The following TSGA10 variants were observed in gnomAD, a reference collection of about 807,000 sequenced individuals.
TSGA10 encodes the protein testis-specific gene 10 protein.
TSGA10 carries 43 observed loss-of-function variants against 96.6 expected under a neutral mutation model. The ratio of observed to expected loss-of-function variants is 0.44; its 90% CI spans 0.35 to 0.57. TSGA10 has a LOEUF of 0.57. Among genes scored for constraint, TSGA10 ranks in the 20% least tolerant of loss-of-function variants. The pLI, the probability that TSGA10 is intolerant of heterozygous loss-of-function variation, is 0.01. For missense variants in TSGA10, 703 were observed against 834.4 expected (o/e 0.84, Z 1.94); for synonymous variants, 229 against 269.9 (o/e 0.85, Z 1.48).
chr2:99,042,284 A>G (rs983694087), intron 16 of TSGA10, among the ~76,000 whole-genome samples: 6 of 152,144 alleles, frequency 3.9e-5, no homozygotes, highest in Non-Finnish European at 8.8e-5. Context: ...CGCAGGTCTT[A>G]TGTGGTACCA....
chr2:99,032,191 T>G (rs1409813762), intron 17 of TSGA10, among the ~76,000 whole-genome samples: 1 of 152,164 alleles, frequency 6.6e-6, no homozygotes, highest in Non-Finnish European at 1.5e-5. Flanking sequence ...CTTCCATCCG[T>G]GTCTCTTTCC....
intron 7 of TSGA10, among the ~76,000 whole-genome samples, chr2:99,106,422 G>T (rs917037693): frequency 6.6e-6 from 1 of 151,840 alleles, no homozygotes; most frequent in African/African-American, 2.4e-5. Flanking sequence ...TTCTCATCTT[G>T]AATAGTACCC....
At chr2:99,038,725 G>A (rs2081904931) in intron 16 of TSGA10, among the ~76,000 whole-genome samples, 1 of 151,860 alleles carries the variant, frequency 6.6e-6, no homozygotes, top group African/African-American at 2.4e-5. Context: ...TCAATAGACA[G>A]GTCATTAAGA....
intron 3 of TSGA10, among the ~76,000 whole-genome samples, chr2:99,118,322 G>A (rs1331357082): frequency 6.6e-6 from 1 of 151,380 alleles, no homozygotes; most frequent in Non-Finnish European, 1.5e-5. Flanking sequence ...ATGGTGGCGA[G>A]TGCCCGTAGT....
intron 12 of TSGA10, among the ~76,000 whole-genome samples, chr2:99,076,602 C>T (rs192568703): frequency 6.6e-6 from 1 of 152,090 alleles, no homozygotes; most frequent in African/African-American, 2.4e-5. Context: ...CACACACATA[C>T]ACACACTGTA....
intron 1 of TSGA10, among the ~76,000 whole-genome samples, chr2:99,149,754 T>C (rs11685759): frequency 0.58 from 84,012 of 145,494 alleles, 25,234 homozygotes; most frequent in East Asian, 0.87. Context: ...TCATCTCTTT[T>C]TACAGACTAG....
chr2:99,031,817 C>A (rs776049499), intron 17 of TSGA10, among the ~76,000 whole-genome samples: 1 of 152,188 alleles, frequency 6.6e-6, no homozygotes, highest in Non-Finnish European at 1.5e-5. Context: ...AGGAGTGGAA[C>A]CCTATTGTGT....
intron 1 of TSGA10, among the ~76,000 whole-genome samples, chr2:99,145,155 T>C (rs1285972055): frequency 2.6e-5 from 4 of 152,174 alleles, no homozygotes; most frequent in Non-Finnish European, 5.9e-5. Context: ...TGGCAGCCCA[T>C]GTTCCTTGGC....
intron 17 of TSGA10, among the ~76,000 whole-genome samples, chr2:99,026,519 A>G (rs758821438): frequency 5.9e-5 from 9 of 151,838 alleles, no homozygotes; most frequent in Non-Finnish European, 1.5e-5. Flanking sequence ...TCCCAGGTTC[A>G]TGCCATTCTC....
intron 17 of TSGA10, among the ~76,000 whole-genome samples, chr2:99,022,168 A>G (rs1270347834): frequency 6.6e-6 from 1 of 151,914 alleles, no homozygotes; most frequent in African/African-American, 2.4e-5. Context: ...GCTACAAAAA[A>G]TTCAAAAACT....
chr2:99,082,754 A>C (rs998303963), intron 10 of TSGA10, among the ~76,000 whole-genome samples: 6 of 152,216 alleles, frequency 3.9e-5, no homozygotes, highest in Non-Finnish European at 7.3e-5. Context: ...CACACAAACT[A>C]AATTAGATCC....
chr2:99,074,547 C>T (rs1032916300), intron 12 of TSGA10, among the ~76,000 whole-genome samples: 2 of 151,480 alleles, frequency 1.3e-5, no homozygotes, highest in South Asian at 2.1e-4. Context: ...GACAAGCCAA[C>T]GAAGGAAAAA....
intron 18 of TSGA10, among the ~76,000 whole-genome samples, chr2:99,019,093 C>G (rs1426223927): frequency 6.6e-6 from 1 of 152,134 alleles, no homozygotes; most frequent in African/African-American, 2.4e-5. Context: ...CATACACAAT[C>G]TTCAATTTAA....
intron 2 of TSGA10, among the ~76,000 whole-genome samples, chr2:99,119,553 T>A (rs763062976): frequency 6.6e-6 from 1 of 152,202 alleles, no homozygotes; most frequent in Non-Finnish European, 1.5e-5. Context: ...GAAATTGAAG[T>A]GTTATCAAAG....
chr2:99,033,017 TTGAA>T (rs1195219813), intron 17 of TSGA10, among the ~76,000 whole-genome samples: 1 of 152,182 alleles, frequency 6.6e-6, no homozygotes, highest in African/African-American at 2.4e-5. Context: ...ACTCAAGTCT[TTGAA>T]TGACTACACA....
intron 4 of TSGA10, among the ~76,000 whole-genome samples, chr2:99,113,461 T>C (rs1481446566): frequency 6.6e-6 from 1 of 152,226 alleles, no homozygotes; most frequent in Non-Finnish European, 1.5e-5. Flanking sequence ...ACAGGCCTCC[T>C]GCCAATAGCC....
Position 99,105,700 on chromosome 2 carries a change from A to G in TSGA10, c.211-3T>C. 1.3e-6 allele frequency: 2 copies of G among 1,585,132 alleles called. No homozygotes were observed. The highest frequency in any genetic ancestry group is 1.7e-6 in the Non-Finnish European group (2 of 1,157,962). On this transcript the variant is annotated splice_polypyrimidine_tract_variant and splice_region_variant and intron_variant, in intron 7 of 20. Coordinates refer to ENST00000393483, the MANE Select transcript of TSGA10 (RefSeq NM_025244.4). ...AGTCGGGTAATTTCTTCCTGTGCCT[A>G]TTATTTAAATCATAGACTTTGGTTG...
intron 16 of TSGA10, among the ~76,000 whole-genome samples, chr2:99,045,584 C>G (rs1000907555): frequency 6.6e-6 from 1 of 152,152 alleles, no homozygotes; most frequent in Admixed American, 6.5e-5. Context: ...CTGAAGGAAG[C>G]ACTAAACATG....
chr2:99,080,606 TTC>T (rs2087341626), intron 11 of TSGA10, among the ~76,000 whole-genome samples: 2 of 152,176 alleles, frequency 1.3e-5, no homozygotes, highest in Admixed American at 6.5e-5. Flanking sequence ...TCTTTTATAT[TTC>T]TGTTTTAATA....
Sources: allele counts gnomAD v4.1 joint callset (sites outside exome capture counted in the v4.1 genomes callset), GRCh38; gene constraint gnomAD v4.1.1; transcripts MANE v1.5; gene names NCBI Gene and HGNC (gene_info 2026-07-23, HGNC 2026-07-21).